EXOC4: variants seen among roughly 807,000 people sequenced by gnomAD.
EXOC4 encodes the protein SEC8-like 1.
EXOC4 carries 71 observed loss-of-function variants against 107.2 expected under a neutral mutation model. The ratio of observed to expected loss-of-function variants is 0.66; its 90% CI spans 0.55 to 0.81. EXOC4 has a LOEUF of 0.81. Ranked by LOEUF, EXOC4 falls within the 30% of genes least tolerant of loss-of-function variation. The pLI, the probability that EXOC4 is intolerant of heterozygous loss-of-function variation, is 0.00. For missense variants in EXOC4, 1,108 were observed against 1,189.6 expected, an observed-to-expected ratio of 0.93 and a Z score of 1.01; for synonymous variants, 456 against 441.2, an observed-to-expected ratio of 1.03 and a Z score of -0.42.
At chr7:133,949,118 G>A (rs1217460839) in intron 14 of EXOC4, among the ~76,000 whole-genome samples, 1 of 152,154 alleles carries the variant, frequency 6.6e-6, no homozygotes, top group African/African-American at 2.4e-5. Context: ...TGTAAAAGCT[G>A]CACCTCTTAC....
chr7:133,766,805 G>A (rs1044568521), intron 10 of EXOC4, among the ~76,000 whole-genome samples: 3 of 151,900 alleles, frequency 2.0e-5, no homozygotes, highest in Middle Eastern at 3.2e-3. Flanking sequence ...AGGTCACTTG[G>A]TTATGATCAC....
intron 11 of EXOC4, among the ~76,000 whole-genome samples, chr7:133,854,342 T>G (rs1798302397): frequency 6.6e-6 from 1 of 151,804 alleles, no homozygotes; most frequent in Non-Finnish European, 1.5e-5. Context: ...CCACCTCTTA[T>G]TGGTCCTCCG....
intron 7 of EXOC4, among the ~76,000 whole-genome samples, chr7:133,413,571 G>A (rs1364267813): frequency 6.6e-6 from 1 of 152,144 alleles, no homozygotes; most frequent in Non-Finnish European, 1.5e-5. Flanking sequence ...GATGGCTCAA[G>A]TGATGGAAGT....
intron 17 of EXOC4, among the ~76,000 whole-genome samples, chr7:134,033,080 T>C (rs1795304105): frequency 6.6e-6 from 1 of 152,088 alleles, no homozygotes; most frequent in African/African-American, 2.4e-5. Flanking sequence ...AGGAAGAAGA[T>C]GGAACATTGT....
intron 17 of EXOC4, among the ~76,000 whole-genome samples, chr7:134,057,245 G>C (rs1363077909): frequency 2.0e-5 from 3 of 152,108 alleles, no homozygotes; most frequent in Non-Finnish European, 4.4e-5. Context: ...TTTACCTCTT[G>C]AATGATTTTC....
chr7:133,289,164 G>GAGAGTGCTTTTACAT, intron 3 of EXOC4, 48 bp downstream of exon 3: 1 of 1,533,672 alleles, frequency 6.5e-7, no homozygotes, highest in Non-Finnish European at 8.9e-7. Context: ...AGATGTAAAA[G>GAGAGTGCTTTTACAT]CACTCTCTTT....
At chr7:133,894,448 C>A (rs986474524) in intron 11 of EXOC4, among the ~76,000 whole-genome samples, 11 of 141,106 alleles carry the variant, frequency 7.8e-5, no homozygotes, top group African/African-American at 3.2e-4. Context: ...CATTCTCCAT[C>A]CAGCTTTGTT....
intron 15 of EXOC4, among the ~76,000 whole-genome samples, chr7:133,998,563 G>C (rs1794450861): frequency 6.6e-6 from 1 of 152,116 alleles, no homozygotes; most frequent in Admixed American, 6.6e-5. Flanking sequence ...ATGCTTGTAG[G>C]CTGATGAACA....
the EXOC4 span, among the ~76,000 whole-genome samples, chr7:134,086,377 C>T: frequency 0.19 from 28,900 of 152,188 alleles, 3,394 homozygotes; most frequent in Middle Eastern, 0.26. Flanking sequence ...AACTTTGTTT[C>T]ATGCACAAAA....
chr7:133,998,206 G>A (rs1179649226), intron 15 of EXOC4, among the ~76,000 whole-genome samples: 2 of 152,144 alleles, frequency 1.3e-5, no homozygotes, highest in Non-Finnish European at 2.9e-5. Context: ...GCAATCAATG[G>A]AAGTGATTGA....
At chr7:133,768,748 A>T (rs1796187407) in intron 10 of EXOC4, among the ~76,000 whole-genome samples, 1 of 151,962 alleles carries the variant, frequency 6.6e-6, no homozygotes, top group South Asian at 2.1e-4. Flanking sequence ...ATTGACTATC[A>T]TGTATCAGGC....
At chr7:133,538,054 T>C (rs887220429) in intron 9 of EXOC4, among the ~76,000 whole-genome samples, 3 of 152,186 alleles carry the variant, frequency 2.0e-5, no homozygotes, top group Non-Finnish European at 4.4e-5. Flanking sequence ...GTATTTTTAT[T>C]TTAAAGATGA....
chr7:133,480,495 A>C (rs973074178), intron 9 of EXOC4: 18 of 1,062,298 alleles, frequency 1.7e-5, no homozygotes, highest in Non-Finnish European at 2.0e-5. Flanking sequence ...ACCTTCTAGA[A>C]TATGACAGGA....
At chr7:133,917,309 A>G (rs887592507) in intron 12 of EXOC4, among the ~76,000 whole-genome samples, 3 of 152,168 alleles carry the variant, frequency 2.0e-5, no homozygotes, top group East Asian at 3.8e-4. Flanking sequence ...GCTTTTATTT[A>G]TCCTAAGGGA....
At chr7:134,061,056 G>T (rs1796045903) in intron 17 of EXOC4, among the ~76,000 whole-genome samples, 2 of 152,130 alleles carry the variant, frequency 1.3e-5, no homozygotes, top group Admixed American at 1.3e-4. Flanking sequence ...GGACTTAAGT[G>T]GCATGCCCTT....
chr7:133,578,293 CTT>C (rs1372813451), intron 9 of EXOC4, among the ~76,000 whole-genome samples: 1 of 152,134 alleles, frequency 6.6e-6, no homozygotes, highest in Non-Finnish European at 1.5e-5. Flanking sequence ...AAAGAAGACT[CTT>C]TTCACTTTAC....
At chr7:133,660,338 C>T (rs1265362001) in intron 10 of EXOC4, among the ~76,000 whole-genome samples, 2 of 151,964 alleles carry the variant, frequency 1.3e-5, no homozygotes, top group South Asian at 2.1e-4. Context: ...GTTAGGAAAC[C>T]GTGAACTAGA....
At chr7:133,395,746 G>A (rs928224525) in intron 7 of EXOC4, among the ~76,000 whole-genome samples, 1 of 152,050 alleles carries the variant, frequency 6.6e-6, no homozygotes. Flanking sequence ...TTTCTGTGGG[G>A]ATTTAATCTG....
At chr7:133,862,106 G>A (rs988305348) in intron 11 of EXOC4, among the ~76,000 whole-genome samples, 1 of 151,612 alleles carries the variant, frequency 6.6e-6, no homozygotes, top group Non-Finnish European at 1.5e-5. Flanking sequence ...CCATAAAGCC[G>A]TAAGATTTAT....
Sources: gnomAD v4.1 joint callset for allele counts (sites outside exome capture counted in the v4.1 genomes callset) on GRCh38, gnomAD v4.1.1 for gene constraint, MANE v1.5 for transcripts, NCBI Gene and HGNC (gene_info 2026-07-23, HGNC 2026-07-21) for gene names.